Variants in MLLT3 observed in about 807,000 individuals in gnomAD.
The protein encoded by MLLT3 is protein AF-9.
In MLLT3, 4 loss-of-function variants were observed where a neutral mutation model predicts 53.2. That is an observed-to-expected ratio of 0.08 (90% CI 0.04 to 0.17). The LOEUF (loss-of-function observed/expected upper bound fraction) is 0.17. Among genes scored for constraint, MLLT3 ranks in the 10% least tolerant of loss-of-function variants. MLLT3 has a pLI of 1.00. For synonymous variants in MLLT3, 283 were observed against 230.6 expected (o/e 1.23, Z -2.06); for missense variants, 569 against 684.0 (o/e 0.83, Z 1.87).
chr9:20,534,866 A>C (rs1251078140), intron 2 of MLLT3, among the ~76,000 whole-genome samples: 1 of 152,156 alleles, frequency 6.6e-6, no homozygotes, highest in Non-Finnish European at 1.5e-5. Context: ...AGCCTGGGGG[A>C]CAGGGCAAGA....
At chr9:20,539,900 C>T (rs978153727) in intron 2 of MLLT3, among the ~76,000 whole-genome samples, 1 of 152,138 alleles carries the variant, frequency 6.6e-6, no homozygotes, top group African/African-American at 2.4e-5. Context: ...CATCTAGAAG[C>T]CTATAAAATC....
rs545839325 is a variant in MLLT3, at chr9:20,355,860, C to A, written c.1432-981G>T. Among the ~76,000 whole-genome samples the A allele has an allele frequency of 4.6e-5, 7 of 152,302 alleles. No individual in the cohort carries two copies. The East Asian group carries it at 1.3e-3, about 29-fold the overall frequency. On this transcript the variant is annotated intron_variant, in intron 8 of 10. Coordinates refer to ENST00000380338, the MANE Select transcript of MLLT3 (RefSeq NM_004529.4). The stretch of plus-strand genomic sequence containing the variant: ...TTTTATATTCCTACTGTTCTCTTTA[C>A]CCATTCTGTGCCCTAACTTAGTAAC...
chr9:20,528,910 T>C (rs1341257932), intron 2 of MLLT3, among the ~76,000 whole-genome samples: 1 of 152,202 alleles, frequency 6.6e-6, no homozygotes, highest in Admixed American at 6.5e-5. Context: ...TCTCATCAGT[T>C]AATATACAAG....
At chr9:20,402,208 T>C (rs562520714) in intron 5 of MLLT3, among the ~76,000 whole-genome samples, 2 of 152,214 alleles carry the variant, frequency 1.3e-5, no homozygotes, top group Admixed American at 6.5e-5. Flanking sequence ...ACATGGTTTC[T>C]ACATTAGGAT....
intron 4 of MLLT3, 54 bp from the exon 5 acceptor site, chr9:20,414,479 G>C: frequency 6.3e-7 from 1 of 1,594,292 alleles, no homozygotes; most frequent in Non-Finnish European, 8.5e-7. Flanking sequence ...GCAATGAAGA[G>C]TCAAAAGAGA....
At chr9:20,471,586 A>T (rs1252313528) in intron 2 of MLLT3, among the ~76,000 whole-genome samples, 1 of 152,100 alleles carries the variant, frequency 6.6e-6, no homozygotes, top group Non-Finnish European at 1.5e-5. Context: ...AGATTCTCCT[A>T]TCCATAAAAC....
intron 2 of MLLT3, among the ~76,000 whole-genome samples, chr9:20,532,278 G>A (rs1818358704): frequency 1.3e-5 from 2 of 150,044 alleles, no homozygotes; most frequent in South Asian, 2.1e-4. Context: ...TCTGTTGTTA[G>A]AAATACATTA....
At position 20,414,046 on chromosome 9, in the gene MLLT3, C is replaced by T. The variant is rs1453407877; in HGVS notation, c.800G>A (p.Ser267Asn). 7 of 1,614,158 alleles carry T rather than the reference C, an allele frequency of 4.3e-6. No homozygotes were observed. The highest frequency in any genetic ancestry group is 5.1e-6 in the Non-Finnish European group (6 of 1,180,018). The change falls in exon 5 of 11, where the codon AGT (serine) becomes AAT (asparagine). Residue 267 changes from serine to asparagine, a missense_variant. Around this residue, in one of 5 missense-constraint regions of MLLT3, gnomAD observed 437 missense variants for 376.5 expected, o/e 1.16. Transcript: ENST00000380338. ...KPMSKEPKPDSNLLTITSGQD... is the reference protein window; with the variant it reads ...KPMSKEPKPDNNLLTITSGQD... ...TCCACTGGTGATGGTGAGTAAGTTACTATCTGGTTTTGGCTCTTTTGACAT... is the reference window on the plus strand; with the variant it reads ...TCCACTGGTGATGGTGAGTAAGTTATTATCTGGTTTTGGCTCTTTTGACAT...
At chr9:20,472,587 C>T (rs1284743486) in intron 2 of MLLT3, among the ~76,000 whole-genome samples, 1 of 151,954 alleles carries the variant, frequency 6.6e-6, no homozygotes, top group Admixed American at 6.6e-5. Context: ...GTTGAACACC[C>T]TAGATTGAAC....
At chr9:20,548,782 G>C (rs7849101) in intron 2 of MLLT3, among the ~76,000 whole-genome samples, 105,930 of 151,928 alleles carry the variant, frequency 0.7, 37,192 homozygotes, top group East Asian at 0.85. Context: ...TTGGGAATTT[G>C]AATATTCTCA....
intron 2 of MLLT3, among the ~76,000 whole-genome samples, chr9:20,559,263 C>T (rs10738563): frequency 0.77 from 117,555 of 152,194 alleles, 47,379 homozygotes; most frequent in Middle Eastern, 0.93. Flanking sequence ...AAAGGATACT[C>T]CTTTGCAAAA....
At chr9:20,363,386 G>T in intron 7 of MLLT3, 90 bp downstream of exon 7, 1 of 1,509,612 alleles carries the variant, frequency 6.6e-7, no homozygotes, top group Middle Eastern at 2.0e-4. Flanking sequence ...CGTTTTTGGT[G>T]TTTCACACCT....
chr9:20,455,541 T>C (rs564048893), intron 3 of MLLT3, among the ~76,000 whole-genome samples: 62 of 152,324 alleles, frequency 4.1e-4, no homozygotes, highest in African/African-American at 1.5e-3. Flanking sequence ...ATTTCTAACC[T>C]GCCCTTAGGG....
intron 2 of MLLT3, among the ~76,000 whole-genome samples, chr9:20,465,140 T>C (rs1286831464): frequency 6.6e-6 from 1 of 151,860 alleles, no homozygotes; most frequent in Non-Finnish European, 1.5e-5. Flanking sequence ...TTGAGTGCAA[T>C]TTAAGAAAAG....
chr9:20,392,207 T>C (rs559152631), intron 5 of MLLT3, among the ~76,000 whole-genome samples: 56 of 152,302 alleles, frequency 3.7e-4, no homozygotes, highest in African/African-American at 1.2e-3. Context: ...ATAATTACTA[T>C]GTGTCTTCCC....
In MLLT3 at chr9:20,621,056, C is replaced by T; in HGVS notation, c.13-222G>A. On this transcript the variant is annotated intron_variant, in intron 1 of 10. Transcript: ENST00000380338. The surrounding 1 kb of genome is among the most constrained non-coding windows in gnomAD (Gnocchi z 7.0). ...TTGGCCCCAGGCGCCCCGGGCCCCG[C>T]ATCTACATCGGACAGGATTGTAACG... 1 of 684,330 alleles carries T rather than the reference C, an allele frequency of 1.5e-6. No individual in the cohort carries two copies. The highest frequency in any genetic ancestry group is 1.5e-5 in the South Asian group (1 of 65,534). 42.4% of individuals were successfully genotyped at this position (684,330 alleles called of 1,614,324 possible).
At chr9:20,385,042 C>T (rs1822001008) in intron 5 of MLLT3, among the ~76,000 whole-genome samples, 2 of 152,036 alleles carry the variant, frequency 1.3e-5, no homozygotes, top group East Asian at 3.8e-4. Context: ...TAGACTCAGA[C>T]TGAAAAGTTA....
chr9:20,460,101 T>C (rs1214103895), intron 2 of MLLT3, among the ~76,000 whole-genome samples: 1 of 152,214 alleles, frequency 6.6e-6, no homozygotes, highest in Admixed American at 6.5e-5. Context: ...GGATACTACA[T>C]TAGATATAAA....
chr9:20,500,583 T>C (rs901580396), intron 2 of MLLT3, among the ~76,000 whole-genome samples: 31 of 152,168 alleles, frequency 2.0e-4, no homozygotes, highest in Non-Finnish European at 4.1e-4. Context: ...CCAGAATATA[T>C]CCTAGTTCTC....
Sources: gnomAD v4.1 joint callset for allele counts (sites outside exome capture counted in the v4.1 genomes callset) on GRCh38, gnomAD v4.1.1 for gene constraint, gnomAD v4.1.1 regional missense constraint, Gnocchi (gnomAD v3.1) non-coding constraint, MANE v1.5 for transcripts, NCBI Gene and HGNC (gene_info 2026-07-23, HGNC 2026-07-21) for gene names.